The following CYP2C19 variants were observed in gnomAD, a reference collection of about 807,000 sequenced individuals.
CYP2C19 encodes the protein cytochrome P450 2C19.
Under a neutral mutation model 40.9 loss-of-function variants are expected in CYP2C19, and 59 were observed. That is an observed-to-expected ratio of 1.44 (90% confidence interval 1.17 to 1.79). The LOEUF (loss-of-function observed/expected upper bound fraction) is 1.79. Among genes scored for constraint, CYP2C19 ranks in the 40% most tolerant of loss-of-function variants. The probability of loss-of-function intolerance (pLI) is 0.00; values close to 1 mark genes in which losing one functional copy is unlikely to be tolerated. For synonymous variants in CYP2C19, 253 were observed against 208.7 expected, an observed-to-expected ratio of 1.21 and a Z score of -1.83; for missense variants, 754 against 596.9, an observed-to-expected ratio of 1.26 and a Z score of -2.74.
chr10:94,844,670 T>C (rs1476372160), intron 7 of CYP2C19, among the ~76,000 whole-genome samples: 1 of 152,178 alleles, frequency 6.6e-6, no homozygotes, highest in Admixed American at 6.5e-5. Flanking sequence ...GAATTGTTAA[T>C]TTACCAAGAG....
intron 1 of CYP2C19, among the ~76,000 whole-genome samples, chr10:94,764,194 G>A (rs1848211096): frequency 6.6e-6 from 1 of 152,140 alleles, no homozygotes; most frequent in Non-Finnish European, 1.5e-5. Context: ...GGACCCAAGA[G>A]GGTTGCCGCT....
At chr10:94,846,360 C>G (rs1012247246) in intron 7 of CYP2C19, among the ~76,000 whole-genome samples, 8 of 152,152 alleles carry the variant, frequency 5.3e-5, no homozygotes, top group Non-Finnish European at 8.8e-5. Flanking sequence ...GACTATTCCA[C>G]TGAATCACAG....
chr10:94,845,441 G>C (rs564334137), intron 7 of CYP2C19, among the ~76,000 whole-genome samples: 3 of 152,298 alleles, frequency 2.0e-5, no homozygotes, highest in Admixed American at 6.5e-5. Context: ...GGATGGACTT[G>C]TGCAGAGAGT....
intron 5 of CYP2C19, among the ~76,000 whole-genome samples, chr10:94,789,683 G>C (rs1014773937): frequency 6.6e-6 from 1 of 152,046 alleles, no homozygotes; most frequent in African/African-American, 2.4e-5. Context: ...TGAGGCCTCT[G>C]TTCTGTTCCA....
chr10:94,778,996 AG>A (rs1457447737), intron 3 of CYP2C19, among the ~76,000 whole-genome samples: 1 of 152,176 alleles, frequency 6.6e-6, no homozygotes, highest in Non-Finnish European at 1.5e-5. Context: ...CACCATCCTC[AG>A]CAAACTAACA....
chr10:94,798,339 C>T (rs1848716703), intron 5 of CYP2C19, among the ~76,000 whole-genome samples: 1 of 152,134 alleles, frequency 6.6e-6, no homozygotes, highest in Non-Finnish European at 1.5e-5. Flanking sequence ...AATTTGATTG[C>T]ACTGTGGTCT....
intron 5 of CYP2C19, among the ~76,000 whole-genome samples, chr10:94,785,373 T>C (rs1338455377): frequency 2.0e-5 from 3 of 152,110 alleles, no homozygotes; most frequent in Non-Finnish European, 2.9e-5. Context: ...GCTACATTCT[T>C]TTGTATTTTG....
Position 94,842,923 on chromosome 10 carries a change from G to A in CYP2C19, c.1048G>A (p.Ala350Thr), listed in dbSNP as rs201509150. 92 of 1,614,198 alleles carry A rather than the reference G, an allele frequency of 5.7e-5. No individual in the cohort carries two copies. The highest frequency in any genetic ancestry group is 3.3e-4 in the Middle Eastern group (2 of 6,062). Residue 350 changes from alanine (A) to threonine (T), a missense_variant, in exon 7 of 9, where the codon GCT (alanine) becomes ACT (threonine). Physicochemically the swap from Ala to Thr is moderately conservative, Grantham distance 58. Transcript: ENST00000371321. ...QDRGHMPYTD[A>T]VVHEVQRYID... ...CAGGGGCCACATGCCCTACACAGAT[G>A]CTGTGGTGCACGAGGTCCAGAGATA... is the stretch of plus-strand genomic sequence containing the variant.
At chr10:94,782,052 T>C in intron 5 of CYP2C19, 55 bp downstream of exon 5, 1 of 1,427,348 alleles carries the variant, frequency 7.0e-7, no homozygotes, top group Non-Finnish European at 9.4e-7. Context: ...TGTGATTCAT[T>C]GACTAGTTTT....
In CYP2C19 at chr10:94,853,547, CT is replaced by C. The variant is rs34415420; in HGVS notation, c.*649del. On this transcript the variant is annotated 3_prime_UTR_variant, in exon 9 of 9. Transcript: ENST00000371321. ...TATTAAATGTTCCACATTGGTGTTCCTTTTTTTTTTTTTTTTGAGACAATGT... is the reference window on the plus strand; with the variant it reads ...TATTAAATGTTCCACATTGGTGTTCCTTTTTTTTTTTTTTTGAGACAATGT... Among the ~76,000 whole-genome samples, 40 of 139,136 alleles carry C rather than the reference CT, an allele frequency of 2.9e-4. No individual in the cohort carries two copies. The highest frequency in any genetic ancestry group is 3.6e-4 in the Admixed American group (5 of 13,808). The allele number at this position is 139,136 out of a possible 152,430, so 91.3% of individuals were successfully genotyped here.
At chr10:94,803,614 T>G (rs1848795559) in intron 5 of CYP2C19, among the ~76,000 whole-genome samples, 1 of 152,136 alleles carries the variant, frequency 6.6e-6, no homozygotes. Context: ...GCACCAGCAC[T>G]GAGAAATAAT....
At chr10:94,851,422 G>A (rs1456116756) in intron 8 of CYP2C19, among the ~76,000 whole-genome samples, 1 of 150,458 alleles carries the variant, frequency 6.6e-6, no homozygotes, top group Non-Finnish European at 1.5e-5. Flanking sequence ...TAAGGACACA[G>A]AGACAAAGCA....
intron 3 of CYP2C19, among the ~76,000 whole-genome samples, chr10:94,776,718 G>C (rs966478851): frequency 2.0e-5 from 3 of 152,104 alleles, no homozygotes; most frequent in Non-Finnish European, 4.4e-5. Flanking sequence ...AAATCTGGAA[G>C]TATTCCCTTT....
chr10:94,788,384 G>T (rs557134888), intron 5 of CYP2C19, among the ~76,000 whole-genome samples: 1 of 151,964 alleles, frequency 6.6e-6, no homozygotes, highest in Non-Finnish European at 1.5e-5. Flanking sequence ...GACAGTAGAA[G>T]GATGGGTATT....
At chr10:94,804,229 C>G (rs116418634) in intron 5 of CYP2C19, among the ~76,000 whole-genome samples, 1 of 152,144 alleles carries the variant, frequency 6.6e-6, no homozygotes, top group East Asian at 1.9e-4. Context: ...CCAAGCTAGT[C>G]CTGGCTGTAA....
intron 5 of CYP2C19, among the ~76,000 whole-genome samples, chr10:94,800,176 G>T (rs1564669133): frequency 6.6e-6 from 1 of 152,162 alleles, no homozygotes; most frequent in East Asian, 1.9e-4. Context: ...CTGGCCTACA[G>T]TTGTGGTTTT....
chr10:94,817,399 G>A lies in CYP2C19; in HGVS notation c.820-3097G>A, dbSNP rs377162550. Among the ~76,000 whole-genome samples the A allele has an allele frequency of 2.7e-4, 39 of 145,860 alleles. 1 individual carries two copies. In the East Asian group the frequency reaches 5.9e-3, roughly 22 times the overall value. ...CTTCTTTTGAGAAGTGTCTGTTCAT[G>A]TCCTTTGCCCACTTTTTGATGGGGT... On this transcript the variant is annotated intron_variant, in intron 5 of 8. Coordinates refer to ENST00000371321, the MANE Select transcript of CYP2C19 (RefSeq NM_000769.4).
At chr10:94,828,549 A>T (rs993102850) in intron 6 of CYP2C19, among the ~76,000 whole-genome samples, 2 of 148,674 alleles carry the variant, frequency 1.3e-5, no homozygotes, top group African/African-American at 5.0e-5. Flanking sequence ...TTTTGAGCCT[A>T]TGTGTGTCTC....
At chr10:94,844,462 C>T (rs1337220033) in intron 7 of CYP2C19, among the ~76,000 whole-genome samples, 1 of 152,128 alleles carries the variant, frequency 6.6e-6, no homozygotes, top group Non-Finnish European at 1.5e-5. Context: ...GGCAGCTTTA[C>T]AATTGCCTTC....
Sources: gnomAD v4.1 joint callset for allele counts (sites outside exome capture counted in the v4.1 genomes callset) on GRCh38, gnomAD v4.1.1 for gene constraint, MANE v1.5 for transcripts, NCBI Gene and HGNC (gene_info 2026-07-23, HGNC 2026-07-21) for gene names.